Variants in PDZRN4 observed in about 807,000 individuals in gnomAD.
PDZRN4 encodes the protein PDZ domain containing ring finger 4.
PDZRN4 carries 70 observed loss-of-function variants against 99.0 expected under a neutral mutation model. The observed-to-expected ratio is 0.71, with a 90% CI of 0.58 to 0.86. PDZRN4 has a LOEUF of 0.86. Among genes scored for constraint, PDZRN4 ranks in the 40% least tolerant of loss-of-function variants. The probability of loss-of-function intolerance (pLI) is 0.00; values close to 1 mark genes in which losing one functional copy is unlikely to be tolerated. For synonymous variants in PDZRN4, 551 were observed against 501.6 expected (o/e 1.10, Z -1.32); for missense variants, 1,474 against 1,331.2 (o/e 1.11, Z -1.67).
At chr12:41,571,358 TCTCTCTCTCTCTCTCTCTCACACACA>T (rs1415744131) in intron 9 of PDZRN4, among the ~76,000 whole-genome samples, 3 of 95,908 alleles carry the variant, frequency 3.1e-5, no homozygotes, top group Admixed American at 2.6e-4. Flanking sequence ...TCTCTCTCTC[TCTCTCTCTCTCTCTCTCTCACACACA>T]CACACACACA....
At chr12:41,410,879 A>T (rs1952393180) in intron 3 of PDZRN4, among the ~76,000 whole-genome samples, 1 of 151,776 alleles carries the variant, frequency 6.6e-6, no homozygotes, top group Non-Finnish European at 1.5e-5. Context: ...GTTTTGGGGG[A>T]TATTTTCTAT....
chr12:41,249,191 A>G (rs952434034), intron 3 of PDZRN4, among the ~76,000 whole-genome samples: 3 of 152,216 alleles, frequency 2.0e-5, no homozygotes, highest in African/African-American at 7.2e-5. Context: ...ATGTCTAAAC[A>G]TGCAGGTAGG....
At chr12:41,421,488 C>A (rs185331251) in intron 3 of PDZRN4, among the ~76,000 whole-genome samples, 2 of 152,258 alleles carry the variant, frequency 1.3e-5, no homozygotes. Flanking sequence ...CCACCGTGCC[C>A]AGCCTATTTG....
intron 3 of PDZRN4, among the ~76,000 whole-genome samples, chr12:41,371,265 T>C (rs1952039230): frequency 6.6e-6 from 1 of 151,662 alleles, no homozygotes; most frequent in Non-Finnish European, 1.5e-5. Flanking sequence ...ATAACTATTA[T>C]ATTAATATAA....
At chr12:41,493,031 A>G (rs557527438) in intron 3 of PDZRN4, among the ~76,000 whole-genome samples, 2 of 152,320 alleles carry the variant, frequency 1.3e-5, no homozygotes, top group African/African-American at 4.8e-5. Flanking sequence ...TTAAATATAC[A>G]ATTAATTAGC....
intron 5 of PDZRN4, among the ~76,000 whole-genome samples, chr12:41,537,893 C>T (rs1938776900): frequency 6.6e-6 from 1 of 152,144 alleles, no homozygotes; most frequent in African/African-American, 2.4e-5. Flanking sequence ...GACCAACCCG[C>T]TCATGTGGAG....
At chr12:41,239,881 A>G (rs1468653819) in intron 3 of PDZRN4, among the ~76,000 whole-genome samples, 1 of 152,206 alleles carries the variant, frequency 6.6e-6, no homozygotes, top group African/African-American at 2.4e-5. Context: ...CTTGAAATGG[A>G]TTGGGCTAAA....
chr12:41,550,154 G>A (rs1384289610), intron 5 of PDZRN4, among the ~76,000 whole-genome samples: 1 of 152,082 alleles, frequency 6.6e-6, no homozygotes, highest in Non-Finnish European at 1.5e-5. Context: ...AAACACCAAA[G>A]TCAAAGTACA....
chr12:41,242,707 AT>A (rs1165063591), intron 3 of PDZRN4, among the ~76,000 whole-genome samples: 23 of 151,996 alleles, frequency 1.5e-4, no homozygotes, highest in Non-Finnish European at 2.9e-5. Context: ...GCTGGCTTCG[AT>A]TTTTTTCTTG....
At chr12:41,511,654 C>A (rs997940046) in intron 5 of PDZRN4, among the ~76,000 whole-genome samples, 1 of 152,072 alleles carries the variant, frequency 6.6e-6, no homozygotes, top group Non-Finnish European at 1.5e-5. Context: ...TGGGAGAATA[C>A]CTCCAGAGAA....
At chr12:41,457,747 A>G (rs1280856789) in intron 3 of PDZRN4, among the ~76,000 whole-genome samples, 2 of 152,254 alleles carry the variant, frequency 1.3e-5, no homozygotes, top group Non-Finnish European at 2.9e-5. Flanking sequence ...AGTAATTGAA[A>G]GCATTAGTAA....
At chr12:41,459,216 G>C (rs1206290964) in intron 3 of PDZRN4, among the ~76,000 whole-genome samples, 1 of 152,102 alleles carries the variant, frequency 6.6e-6, no homozygotes, top group Non-Finnish European at 1.5e-5. Context: ...TTTTTCTTTA[G>C]TATATCCCGT....
At chr12:41,553,741 T>TA (rs1260377464) in intron 6 of PDZRN4, among the ~76,000 whole-genome samples, 4 of 152,034 alleles carry the variant, frequency 2.6e-5, no homozygotes, top group African/African-American at 9.7e-5. Context: ...ATGCTTATGA[T>TA]AAAAAATTAC....
chr12:41,231,719 G>A (rs1951030668), intron 3 of PDZRN4, among the ~76,000 whole-genome samples: 2 of 152,012 alleles, frequency 1.3e-5, no homozygotes, highest in African/African-American at 4.8e-5. Flanking sequence ...TTTGCTATAT[G>A]ACAGTGAATA....
intron 3 of PDZRN4, among the ~76,000 whole-genome samples, chr12:41,471,400 T>C (rs1952988490): frequency 6.6e-6 from 1 of 152,106 alleles, no homozygotes; most frequent in South Asian, 2.1e-4. Flanking sequence ...CATTTGAAAA[T>C]ATATTAGGAT....
At chr12:41,452,308 G>A (rs2730804) in intron 3 of PDZRN4, among the ~76,000 whole-genome samples, 76,798 of 150,792 alleles carry the variant, frequency 0.51, 20,035 homozygotes, top group African/African-American at 0.64. Flanking sequence ...TCGTGGTGGC[G>A]GGTGCCTTTG....
At chr12:41,374,138 G>A (rs1333282471) in intron 3 of PDZRN4, among the ~76,000 whole-genome samples, 5 of 142,578 alleles carry the variant, frequency 3.5e-5, no homozygotes, top group Non-Finnish European at 4.7e-5. Context: ...CAGTGTTTTA[G>A]GAAGAGTGAT....
chr12:41,549,124 G>A (rs1227536724), intron 5 of PDZRN4, among the ~76,000 whole-genome samples: 1 of 152,112 alleles, frequency 6.6e-6, no homozygotes. Context: ...ATCCATGCAG[G>A]CTTGGCATTG....
intron 3 of PDZRN4, among the ~76,000 whole-genome samples, chr12:41,488,455 T>C (rs998069917): frequency 6.6e-6 from 1 of 152,176 alleles, no homozygotes; most frequent in African/African-American, 2.4e-5. Flanking sequence ...AAACACGCTA[T>C]TTGTTGAAAT....
Sources: allele counts gnomAD v4.1 joint callset (sites outside exome capture counted in the v4.1 genomes callset), GRCh38; gene constraint gnomAD v4.1.1; transcripts MANE v1.5; gene names NCBI Gene and HGNC (gene_info 2026-07-23, HGNC 2026-07-21).